MAML3: variants seen among roughly 807,000 people sequenced by gnomAD.
The protein encoded by MAML3 is mastermind-like protein 3.
MAML3 carries 27 observed loss-of-function variants against 101.9 expected under a neutral mutation model. The observed-to-expected ratio is 0.27, with a 90% CI of 0.20 to 0.37. MAML3 has a LOEUF of 0.37. Among genes scored for constraint, MAML3 ranks in the 10% least tolerant of loss-of-function variants. The pLI, the probability that MAML3 is intolerant of heterozygous loss-of-function variation, is 1.00. For missense variants in MAML3, 1,316 were observed against 1,444.9 expected (o/e 0.91, Z 1.45); for synonymous variants, 501 against 555.9 (o/e 0.90, Z 1.39).
chr4:140,124,613 A>G (rs1207372660), intron 1 of MAML3, among the ~76,000 whole-genome samples: 1 of 152,246 alleles, frequency 6.6e-6, no homozygotes, highest in South Asian at 2.1e-4. Flanking sequence ...GCTATCACAA[A>G]ATAGAGGCCT....
intron 1 of MAML3, among the ~76,000 whole-genome samples, chr4:140,049,040 A>G (rs538856762): frequency 6.6e-6 from 1 of 152,332 alleles, no homozygotes; most frequent in African/African-American, 2.4e-5. Context: ...GCAGGTCAAC[A>G]GACGTCTTTA....
intron 2 of MAML3, among the ~76,000 whole-genome samples, chr4:139,877,974 T>G (rs532966732): frequency 3.3e-5 from 5 of 152,224 alleles, no homozygotes; most frequent in Non-Finnish European, 5.9e-5. Context: ...CTGTTACTTC[T>G]TCCCTCTAAA....
chr4:139,792,158 T>G (rs1389982761), intron 2 of MAML3, among the ~76,000 whole-genome samples: 1 of 152,236 alleles, frequency 6.6e-6, no homozygotes, highest in Non-Finnish European at 1.5e-5. Flanking sequence ...AGCATGCGAT[T>G]CAGCTCATGG....
intron 2 of MAML3, among the ~76,000 whole-genome samples, chr4:139,748,222 G>A (rs2111035547): frequency 6.6e-6 from 1 of 152,220 alleles, no homozygotes; most frequent in African/African-American, 2.4e-5. Context: ...GGCCTAAACA[G>A]GAAGATGGGA....
intron 1 of MAML3, among the ~76,000 whole-genome samples, chr4:140,056,359 C>CTTT (rs531466780): frequency 7.0e-6 from 1 of 143,784 alleles, no homozygotes; most frequent in African/African-American, 2.6e-5. Flanking sequence ...CTTTTCTTTT[C>CTTT]TTTTTTTTTT....
At chr4:140,067,588 A>G (rs1281668599) in intron 1 of MAML3, among the ~76,000 whole-genome samples, 1 of 152,206 alleles carries the variant, frequency 6.6e-6, no homozygotes, top group Non-Finnish European at 1.5e-5. Context: ...TTTAAAAAGC[A>G]TACTCAATGG....
chr4:140,101,395 C>A (rs1006390443), intron 1 of MAML3, among the ~76,000 whole-genome samples: 1 of 152,130 alleles, frequency 6.6e-6, no homozygotes, highest in African/African-American at 2.4e-5. Flanking sequence ...ACTCACCAGG[C>A]TCTTGGACAG....
chr4:139,913,666 A>G (rs1732974162), intron 1 of MAML3, among the ~76,000 whole-genome samples: 1 of 152,186 alleles, frequency 6.6e-6, no homozygotes, highest in Admixed American at 6.5e-5. Context: ...TGGGGGTGTC[A>G]GCGCTGCACT....
At chr4:139,824,232 G>A (rs1431070862) in intron 2 of MAML3, among the ~76,000 whole-genome samples, 2 of 152,122 alleles carry the variant, frequency 1.3e-5, no homozygotes, top group African/African-American at 2.4e-5. Flanking sequence ...CCTGCAAGTC[G>A]CTTATATTGC....
intron 1 of MAML3, among the ~76,000 whole-genome samples, chr4:140,057,729 G>C (rs554991343): frequency 6.6e-6 from 1 of 152,224 alleles, no homozygotes; most frequent in Non-Finnish European, 1.5e-5. Context: ...AGGGCTTTTT[G>C]ATCTTGCATT....
chr4:139,748,609 G>A (rs1424970994), intron 2 of MAML3, among the ~76,000 whole-genome samples: 1 of 152,088 alleles, frequency 6.6e-6, no homozygotes, highest in East Asian at 1.9e-4. Context: ...TTCCGGCTCA[G>A]TCCCCCAAAT....
At chr4:139,902,465 T>C (rs780614093) in intron 1 of MAML3, among the ~76,000 whole-genome samples, 8 of 152,186 alleles carry the variant, frequency 5.3e-5, no homozygotes, top group Non-Finnish European at 1.0e-4. Context: ...TTGAGTAACT[T>C]TGTTAATAAA....
chr4:139,770,465 C>A (rs1325899103), intron 2 of MAML3, among the ~76,000 whole-genome samples: 2 of 152,146 alleles, frequency 1.3e-5, no homozygotes, highest in Non-Finnish European at 2.9e-5. Context: ...AAAGACTATT[C>A]TGTTTGTGTC....
intron 2 of MAML3, among the ~76,000 whole-genome samples, chr4:139,778,032 C>T (rs997100379): frequency 2.0e-5 from 3 of 152,194 alleles, no homozygotes; most frequent in Non-Finnish European, 4.4e-5. Context: ...CCTTCTCTGG[C>T]TACTAGAAAG....
rs1300685627 is a variant in MAML3 at position 139,717,971 on chromosome 4, C to T, written c.*1352G>A. 1 of 152,220 alleles carries T rather than the reference C, an allele frequency of 6.6e-6. No homozygotes were observed. The highest frequency in any genetic ancestry group is 1.5e-5 in the Non-Finnish European group (1 of 68,046). 9.4% of individuals were successfully genotyped at this position (152,220 alleles called of 1,614,324 possible). On this transcript the variant is annotated 3_prime_UTR_variant, in exon 5 of 5. Coordinates refer to ENST00000509479, the MANE Select transcript of MAML3 (RefSeq NM_018717.5). ...TTTGCCCATATGAAATAAACTACAT[C>T]TCCTTTCTATCCAAATTTGTAAGGT...
At chr4:139,807,620 G>T (rs745802545) in intron 2 of MAML3, among the ~76,000 whole-genome samples, 7 of 152,188 alleles carry the variant, frequency 4.6e-5, no homozygotes, top group African/African-American at 1.7e-4. Flanking sequence ...AAAACAGTCC[G>T]TGCCTCAGTG....
chr4:139,809,322 C>T lies in MAML3; in HGVS notation c.2080-78655G>A, dbSNP rs116526711. On this transcript the variant is annotated intron_variant, in intron 2 of 4. Coordinates refer to ENST00000509479, the MANE Select transcript of MAML3 (RefSeq NM_018717.5). The stretch of plus-strand genomic sequence containing the variant: ...AAGGAGAGGTTTCTTTCTTTCCTTC[C>T]CTTCTGTATTTATCTTGAGAGGATG... 7.5e-3 allele frequency among the ~76,000 whole-genome samples: 1,146 copies of T among 152,224 alleles called. 16 individuals are homozygous for T. Among genetic ancestry groups the T allele is most frequent in the Middle Eastern group, 0.031 (9 of 294 alleles).
chr4:139,820,147 G>A (rs976337754), intron 2 of MAML3, among the ~76,000 whole-genome samples: 5 of 152,186 alleles, frequency 3.3e-5, no homozygotes, highest in Admixed American at 6.5e-5. Context: ...TCAGATAAAG[G>A]TTTGTCAATT....
intron 2 of MAML3, among the ~76,000 whole-genome samples, chr4:139,874,610 C>A (rs1172290662): frequency 6.6e-6 from 1 of 151,756 alleles, no homozygotes; most frequent in Non-Finnish European, 1.5e-5. Context: ...ATGAATGAAA[C>A]TGGCTTAAAG....
Sources: gnomAD v4.1 joint callset for allele counts (sites outside exome capture counted in the v4.1 genomes callset) on GRCh38, gnomAD v4.1.1 for gene constraint, MANE v1.5 for transcripts, NCBI Gene and HGNC (gene_info 2026-07-23, HGNC 2026-07-21) for gene names.